The following UBE2E2 variants were observed in gnomAD, a reference collection of about 807,000 sequenced individuals.
The protein encoded by UBE2E2 is ubiquitin-conjugating enzyme E2 E2.
In UBE2E2, 6 loss-of-function variants were observed where a neutral mutation model predicts 24.7. That is an observed-to-expected ratio of 0.24 (90% confidence interval 0.13 to 0.48). The LOEUF (loss-of-function observed/expected upper bound fraction) is 0.48, where lower values mean the gene tolerates loss of function less well. Ranked by LOEUF, UBE2E2 falls within the 20% of genes least tolerant of loss-of-function variation. The pLI is 0.99. For synonymous variants in UBE2E2, 104 were observed against 83.6 expected (o/e 1.24, Z -1.33); for missense variants, 169 against 245.0 (o/e 0.69, Z 2.07).
At chr3:23,565,113 G>A (rs1045968631) in intron 5 of UBE2E2, among the ~76,000 whole-genome samples, 1 of 152,060 alleles carries the variant, frequency 6.6e-6, no homozygotes, top group Non-Finnish European at 1.5e-5. Context: ...CCATTATTTT[G>A]TGTCAGTTTC....
At chr3:23,304,482 A>G (rs1193619533) in intron 3 of UBE2E2, among the ~76,000 whole-genome samples, 1 of 152,206 alleles carries the variant, frequency 6.6e-6, no homozygotes, top group Non-Finnish European at 1.5e-5. Flanking sequence ...TGAAAAATAT[A>G]TTTTGAAAAA....
intron 3 of UBE2E2, among the ~76,000 whole-genome samples, chr3:23,416,768 A>G (rs113952924): frequency 0.015 from 2,297 of 151,772 alleles, 55 homozygotes; most frequent in African/African-American, 0.053. Context: ...TTTTTTCTCT[A>G]ATCTTGTCTT....
intron 3 of UBE2E2, among the ~76,000 whole-genome samples, chr3:23,352,741 A>T (rs903772963): frequency 8.5e-5 from 13 of 152,326 alleles, no homozygotes; most frequent in Non-Finnish European, 7.4e-5. Flanking sequence ...GGCAATAATC[A>T]ATAGCTTACC....
chr3:23,377,328 ACT>A (rs1291273012), intron 3 of UBE2E2, among the ~76,000 whole-genome samples: 2 of 152,168 alleles, frequency 1.3e-5, no homozygotes, highest in African/African-American at 4.8e-5. Flanking sequence ...AAAGTGTGTT[ACT>A]CTGTGACTTG....
chr3:23,272,698 G>A (rs143880231), intron 3 of UBE2E2, among the ~76,000 whole-genome samples: 214 of 152,270 alleles, frequency 1.4e-3, no homozygotes, highest in African/African-American at 4.8e-3. Context: ...GAGATTGAGT[G>A]TAAGGAATTG....
At chr3:23,268,618 C>T (rs1300100184) in intron 3 of UBE2E2, among the ~76,000 whole-genome samples, 3 of 147,494 alleles carry the variant, frequency 2.0e-5, no homozygotes, top group East Asian at 3.9e-4. Context: ...GTGAAAATGG[C>T]CATACTGCCC....
intron 3 of UBE2E2, among the ~76,000 whole-genome samples, chr3:23,229,065 T>A (rs901187214): frequency 1.2e-4 from 18 of 152,214 alleles, no homozygotes; most frequent in Middle Eastern, 3.2e-3. Flanking sequence ...ACAACTCTTT[T>A]ACCCGTTTCA....
At chr3:23,575,629 A>G (rs1696330413) in intron 5 of UBE2E2, among the ~76,000 whole-genome samples, 1 of 152,164 alleles carries the variant, frequency 6.6e-6, no homozygotes, top group African/African-American at 2.4e-5. Context: ...TGGAAAAAAA[A>G]CAAAAAAGCT....
rs1369454731 is a variant in UBE2E2, at chr3:23,267,922, A to G, written c.227+50610A>G. Among the ~76,000 whole-genome samples the G allele has an allele frequency of 9.9e-5, 15 of 151,804 alleles. No homozygotes were observed. The South Asian group carries it at 2.9e-3, about 30-fold the overall frequency. ...CAATATATGCAAATCAATAAACGTA[A>G]TCCAGCATATAAACAGAACCAAAGA... On this transcript the variant is annotated intron_variant, in intron 3 of 5. Coordinates refer to ENST00000396703, the MANE Select transcript of UBE2E2 (RefSeq NM_152653.4).
chr3:23,437,404 T>C (rs1173022598), intron 3 of UBE2E2, among the ~76,000 whole-genome samples: 2 of 152,192 alleles, frequency 1.3e-5, no homozygotes, highest in African/African-American at 4.8e-5. Context: ...TGTGCCACAG[T>C]TTGCTAATCT....
intron 3 of UBE2E2, among the ~76,000 whole-genome samples, chr3:23,491,481 CAAGTT>C (rs1470159268): frequency 6.6e-6 from 1 of 152,160 alleles, no homozygotes; most frequent in East Asian, 1.9e-4. Context: ...AGGTTGCAGC[CAAGTT>C]AAGAACTAGG....
At chr3:23,261,949 T>C (rs566710340) in intron 3 of UBE2E2, among the ~76,000 whole-genome samples, 1 of 152,344 alleles carries the variant, frequency 6.6e-6, no homozygotes, top group East Asian at 1.9e-4. Flanking sequence ...AGTGCAGTTA[T>C]CTCTTTGATA....
At position 23,252,590 on chromosome 3, in the gene UBE2E2, C is replaced by T. The variant is rs1057178197; in HGVS notation, c.227+35278C>T. 6.6e-5 allele frequency among the ~76,000 whole-genome samples: 10 copies of T among 152,254 alleles called. No homozygotes were observed. In the South Asian group the frequency reaches 8.3e-4, roughly 13 times the overall value. ...CAGCTCACTGCAACCTCTGCCTCCTCGGTTCAAGCGATTCTCCTGCCTCAG... is the reference window on the plus strand; with the variant it reads ...CAGCTCACTGCAACCTCTGCCTCCTTGGTTCAAGCGATTCTCCTGCCTCAG... On this transcript the variant is annotated intron_variant, in intron 3 of 5. Transcript: ENST00000396703.
At chr3:23,240,425 A>G (rs1366868835) in intron 3 of UBE2E2, among the ~76,000 whole-genome samples, 6 of 152,216 alleles carry the variant, frequency 3.9e-5, no homozygotes, top group Non-Finnish European at 2.9e-5. Flanking sequence ...GACAATGTGT[A>G]GCTGCATGGC....
At chr3:23,582,351 A>G (rs190061513) in intron 5 of UBE2E2, among the ~76,000 whole-genome samples, 44 of 152,238 alleles carry the variant, frequency 2.9e-4, no homozygotes, top group Admixed American at 1.6e-3. Context: ...GCTGATGTGA[A>G]TAGGGCCATG....
At chr3:23,220,661 A>C (rs376435924) in intron 3 of UBE2E2, among the ~76,000 whole-genome samples, 1 of 152,194 alleles carries the variant, frequency 6.6e-6, no homozygotes, top group Non-Finnish European at 1.5e-5. Context: ...ATGTTTTCAT[A>C]CTACTGCTGA....
intron 3 of UBE2E2, among the ~76,000 whole-genome samples, chr3:23,350,942 A>C: frequency 6.6e-6 from 1 of 152,182 alleles, no homozygotes; most frequent in East Asian, 1.9e-4. Context: ...TGTCAGATTC[A>C]CCAAAGTTGA....
intron 3 of UBE2E2, among the ~76,000 whole-genome samples, chr3:23,396,453 CACAT>C (rs1697080800): frequency 6.6e-6 from 1 of 151,252 alleles, no homozygotes; most frequent in African/African-American, 2.4e-5. Context: ...CATGTATATA[CACAT>C]ACATACATAT....
chr3:23,471,146 T>C (rs1447234871), intron 3 of UBE2E2, among the ~76,000 whole-genome samples: 1 of 152,158 alleles, frequency 6.6e-6, no homozygotes, highest in Non-Finnish European at 1.5e-5. Context: ...AGTATTTTAC[T>C]ATGTTTTCAT....
Sources: gnomAD v4.1 joint callset for allele counts (sites outside exome capture counted in the v4.1 genomes callset) on GRCh38, gnomAD v4.1.1 for gene constraint, MANE v1.5 for transcripts, NCBI Gene and HGNC (gene_info 2026-07-23, HGNC 2026-07-21) for gene names.